SUFU: variants seen among roughly 807,000 people sequenced by gnomAD.
SUFU encodes the protein suppressor of fused homolog.
In SUFU, 7 loss-of-function variants were observed where a neutral mutation model predicts 58.9. The ratio of observed to expected loss-of-function variants is 0.12; its 90% CI spans 0.07 to 0.22. SUFU has a LOEUF of 0.22. SUFU is among the 10% of genes least tolerant of loss of function. The pLI, the probability that SUFU is intolerant of heterozygous loss-of-function variation, is 1.00. For synonymous variants in SUFU, 232 were observed against 254.8 expected (o/e 0.91, Z 0.85); for missense variants, 451 against 641.3 (o/e 0.70, Z 3.20).
chr10:102,567,006 CTTTTTTTTT>C (rs1175563323), intron 3 of SUFU, among the ~76,000 whole-genome samples: 4 of 64,670 alleles, frequency 6.2e-5, no homozygotes, highest in South Asian at 1.5e-3. Context: ...GAAACAGGCT[CTTTTTTTTT>C]TTTTTTTTTT....
At chr10:102,562,055 G>A (rs1435755130) in intron 3 of SUFU, among the ~76,000 whole-genome samples, 116 of 152,248 alleles carry the variant, frequency 7.6e-4, no homozygotes, top group Non-Finnish European at 2.4e-4. Flanking sequence ...GAAGTGCTGA[G>A]GGACACAGCC....
intron 1 of SUFU, 101 bp downstream of exon 1, chr10:102,504,435 T>C (rs1466807682): frequency 1.3e-6 from 2 of 1,547,430 alleles, no homozygotes; most frequent in South Asian, 1.2e-5. Flanking sequence ...GGGTAGAGAA[T>C]GGTTAAAGCA....
At chr10:102,547,975 A>G (rs192502162) in intron 2 of SUFU, among the ~76,000 whole-genome samples, 1 of 152,098 alleles carries the variant, frequency 6.6e-6, no homozygotes, top group East Asian at 1.9e-4. Context: ...ACATAGGGAG[A>G]CTTTATCTCT....
chr10:102,513,335 G>A (rs1418932147), intron 2 of SUFU, among the ~76,000 whole-genome samples: 2 of 152,196 alleles, frequency 1.3e-5, no homozygotes, highest in African/African-American at 2.4e-5. Flanking sequence ...ATGGCAAATG[G>A]ATCTCTGGCA....
At chr10:102,527,195 G>T (rs530431573) in intron 2 of SUFU, among the ~76,000 whole-genome samples, 1 of 151,856 alleles carries the variant, frequency 6.6e-6, no homozygotes, top group African/African-American at 2.4e-5. Flanking sequence ...GTAGAGACAG[G>T]GTTTCACCGT....
intron 3 of SUFU, among the ~76,000 whole-genome samples, chr10:102,559,832 G>A (rs924818726): frequency 2.0e-5 from 3 of 152,118 alleles, no homozygotes; most frequent in African/African-American, 7.2e-5. Context: ...CAAATTCCAA[G>A]GCAATTTCAT....
Position 102,619,185 on chromosome 10 carries a change from C to T in SUFU, c.1296+1757C>T, listed in dbSNP as rs1193296913. 85 of 1,605,844 alleles carry T rather than the reference C, an allele frequency of 5.3e-5. No individual in the cohort carries two copies. The highest frequency in any genetic ancestry group is 8.0e-5 in the African/African-American group (6 of 74,816). On this transcript the variant is annotated intron_variant, in intron 10 of 11. Coordinates refer to ENST00000369902, the MANE Select transcript of SUFU (RefSeq NM_016169.4). The surrounding 1 kb of genome is among the most constrained non-coding windows in gnomAD (Gnocchi z 4.2). Reference sequence around the variant, plus strand: ...AAGAACCTTGGCCCCCACAGGACTTCGCAGATGTCACATTGCCCCTCAGTC... The same window carrying T: ...AAGAACCTTGGCCCCCACAGGACTTTGCAGATGTCACATTGCCCCTCAGTC...
chr10:102,578,251 C>CA lies in SUFU; in HGVS notation c.455-14320dup, dbSNP rs905189998. Among the ~76,000 whole-genome samples the CA allele has an allele frequency of 3.0e-4, 42 of 139,948 alleles. No homozygotes were observed. In the East Asian group the frequency reaches 4.1e-3, roughly 14 times the overall value. The allele number at this position is 139,948 out of a possible 152,430, so 91.8% of individuals were successfully genotyped here. On this transcript the variant is annotated intron_variant, in intron 3 of 11. Transcript: ENST00000369902. ...TGGGCGACAAAGCGAGACTCCGTCTCAAAAAAAAAAACAAAAACAAAAAAC... is the reference window on the plus strand; with the variant it reads ...TGGGCGACAAAGCGAGACTCCGTCTCAAAAAAAAAAAACAAAAACAAAAAAC...
intron 5 of SUFU, 82 bp from the exon 6 acceptor site, chr10:102,593,911 G>A: frequency 6.5e-7 from 1 of 1,536,510 alleles, no homozygotes; most frequent in Non-Finnish European, 9.0e-7. Context: ...TAGGCCTGGG[G>A]CAGCAAACAG....
At chr10:102,601,641 C>T (rs2063516073) in intron 8 of SUFU, among the ~76,000 whole-genome samples, 2 of 152,194 alleles carry the variant, frequency 1.3e-5, no homozygotes, top group African/African-American at 4.8e-5. Context: ...CAAGAACATT[C>T]TCCAACACAC....
intron 2 of SUFU, among the ~76,000 whole-genome samples, chr10:102,545,939 A>G (rs920848121): frequency 1.3e-5 from 2 of 152,216 alleles, no homozygotes; most frequent in African/African-American, 4.8e-5. Context: ...GCACCACTGC[A>G]CTCCAGCCTG....
chr10:102,568,937 T>TAC (rs1482809177), intron 3 of SUFU, among the ~76,000 whole-genome samples: 388 of 32,970 alleles, frequency 0.012, 2 homozygotes, highest in Non-Finnish European at 0.017. Context: ...TATATATATA[T>TAC]ATATATATAT....
At chr10:102,534,449 T>C (rs909830603) in intron 2 of SUFU, among the ~76,000 whole-genome samples, 8 of 152,190 alleles carry the variant, frequency 5.3e-5, no homozygotes, top group African/African-American at 1.4e-4. Flanking sequence ...AGTGGAACTC[T>C]GACTTTGTCC....
intron 2 of SUFU, among the ~76,000 whole-genome samples, chr10:102,536,992 G>T (rs941713502): frequency 6.6e-6 from 1 of 151,950 alleles, no homozygotes; most frequent in East Asian, 1.9e-4. Flanking sequence ...TGTATTTTTA[G>T]CAGAGAGAGG....
chr10:102,548,112 C>G (rs984202223), intron 2 of SUFU, among the ~76,000 whole-genome samples: 1 of 152,072 alleles, frequency 6.6e-6, no homozygotes, highest in Non-Finnish European at 1.5e-5. Context: ...GAAGATCACG[C>G]CACTGCACTC....
intron 10 of SUFU, among the ~76,000 whole-genome samples, chr10:102,621,328 C>T (rs367928964): frequency 1.2e-4 from 18 of 152,170 alleles, no homozygotes; most frequent in East Asian, 7.7e-4. Context: ...CCCAGCAATG[C>T]GCCTGGGGAA....
chr10:102,597,232 G>A lies in SUFU; in HGVS notation c.849G>A (p.Glu283=), dbSNP rs751057597. Residue 283 remains glutamate, a synonymous_variant, in exon 7 of 12, where the codon GAG becomes GAA. Coordinates refer to ENST00000369902, the MANE Select transcript of SUFU (RefSeq NM_016169.4). ...GGGATGACCTGAGCCGGCCCCCCGA[G>A]GATGACGAGGACAGCCGGAGCATCT... is the stretch of plus-strand genomic sequence containing the variant. ...CAWDDLSRPP[E]DDEDSRSICI... is the part of the protein sequence containing the mutation. The A allele has an allele frequency of 8.7e-6, 14 of 1,613,906 alleles. No homozygotes were observed. In the South Asian group the frequency reaches 8.8e-5, roughly 10 times the overall value.
At chr10:102,541,956 C>A (rs1564673022) in intron 2 of SUFU, among the ~76,000 whole-genome samples, 1 of 145,560 alleles carries the variant, frequency 6.9e-6, no homozygotes. Context: ...GCGATCTTGG[C>A]TCACTGCAAC....
Position 102,615,401 on chromosome 10 carries a change from A to C in SUFU, c.1156A>C (p.Arg386=). ...CGGAGCCCTCATTCCTCTCTGCCTA[A>C]GGTGAGCGAGACAGCCCTGCCACAC... ...ESGALIPLCL[R]GRLLHGRHFT... The change falls in exon 9 of 12, where the codon AGG becomes CGG. Residue 386 remains arginine, a splice_region_variant and synonymous_variant. Coordinates refer to ENST00000369902, the MANE Select transcript of SUFU (RefSeq NM_016169.4). 6.2e-7 allele frequency: 1 copy of C among 1,614,000 alleles called. No individual in the cohort carries two copies. The highest frequency in any genetic ancestry group is 8.5e-7 in the Non-Finnish European group (1 of 1,179,926).
Sources: gnomAD v4.1 joint callset for allele counts (sites outside exome capture counted in the v4.1 genomes callset) on GRCh38, gnomAD v4.1.1 for gene constraint, Gnocchi (gnomAD v3.1) non-coding constraint, MANE v1.5 for transcripts, NCBI Gene and HGNC (gene_info 2026-07-23, HGNC 2026-07-21) for gene names.